The following ERBB4 variants were observed in gnomAD, a reference collection of about 807,000 sequenced individuals.
The protein encoded by ERBB4 is receptor tyrosine-protein kinase erbB-4.
A neutral mutation model predicts 158.0 loss-of-function variants in ERBB4; 42 were observed. The ratio of observed to expected loss-of-function variants is 0.27; its 90% CI spans 0.21 to 0.34. The LOEUF (loss-of-function observed/expected upper bound fraction) is 0.34. ERBB4 is among the 10% of genes least tolerant of loss of function. ERBB4 has a pLI of 1.00. For missense variants in ERBB4, 1,333 were observed against 1,624.1 expected (o/e 0.82, Z 3.08); for synonymous variants, 583 against 558.7 (o/e 1.04, Z -0.61).
chr2:211,632,945 T>C (rs1047293485), intron 16 of ERBB4, among the ~76,000 whole-genome samples: 6 of 152,076 alleles, frequency 3.9e-5, no homozygotes, highest in Non-Finnish European at 8.8e-5. Flanking sequence ...AAAAATCATA[T>C]ATAAGTGTTT....
chr2:212,125,347 C>T (rs139200749), intron 1 of ERBB4, among the ~76,000 whole-genome samples: 13 of 152,270 alleles, frequency 8.5e-5, no homozygotes, highest in Admixed American at 3.3e-4. Flanking sequence ...ATCAGCTGTT[C>T]CAGCTGAGTA....
intron 12 of ERBB4, among the ~76,000 whole-genome samples, chr2:211,686,239 T>G (rs2072558592): frequency 6.6e-6 from 1 of 152,174 alleles, no homozygotes; most frequent in South Asian, 2.1e-4. Flanking sequence ...AGCTGTAGGA[T>G]TTTTGTAGAT....
intron 15 of ERBB4, among the ~76,000 whole-genome samples, chr2:211,658,374 T>C (rs1011656432): frequency 6.7e-6 from 1 of 149,502 alleles, no homozygotes; most frequent in Admixed American, 6.6e-5. Context: ...AGGCCTTAAG[T>C]TTAAATAAAA....
At chr2:212,383,901 G>A (rs2090590709) in intron 1 of ERBB4, among the ~76,000 whole-genome samples, 1 of 151,630 alleles carries the variant, frequency 6.6e-6, no homozygotes, top group African/African-American at 2.4e-5. Context: ...CATTTCCAAT[G>A]TCCTACAGAA....
chr2:212,153,768 T>C (rs749970708), intron 1 of ERBB4, among the ~76,000 whole-genome samples: 2 of 152,176 alleles, frequency 1.3e-5, no homozygotes, highest in African/African-American at 2.4e-5. Context: ...TTTGTGGCAC[T>C]TTCTAGTTCC....
chr2:211,977,196 T>C (rs143399061), intron 2 of ERBB4, among the ~76,000 whole-genome samples: 1 of 152,094 alleles, frequency 6.6e-6, no homozygotes, highest in African/African-American at 2.4e-5. Context: ...TTTTCTGAGG[T>C]GGATAGAGAA....
At chr2:211,933,680 C>T (rs988995022) in intron 3 of ERBB4, among the ~76,000 whole-genome samples, 3 of 151,932 alleles carry the variant, frequency 2.0e-5, no homozygotes, top group Non-Finnish European at 2.9e-5. Context: ...AAAAAGGACT[C>T]GACTAACAGT....
chr2:212,527,048 T>C (rs937094812), intron 1 of ERBB4, among the ~76,000 whole-genome samples: 2 of 152,050 alleles, frequency 1.3e-5, no homozygotes, highest in African/African-American at 2.4e-5. Context: ...TCCAGTAAGC[T>C]ATATTTCAAG....
chr2:212,537,100 A>G (rs1262474277), intron 1 of ERBB4, among the ~76,000 whole-genome samples: 1 of 151,512 alleles, frequency 6.6e-6, no homozygotes, highest in East Asian at 1.9e-4. Context: ...GAAAGACTCG[A>G]TAATTGTAAC....
At chr2:211,613,568 G>A (rs750024825) in intron 19 of ERBB4, among the ~76,000 whole-genome samples, 13 of 151,852 alleles carry the variant, frequency 8.6e-5, no homozygotes, top group Admixed American at 2.6e-4. Flanking sequence ...AATTCTATAC[G>A]AAAAAAATCT....
At chr2:212,256,005 T>TTA (rs1410586853) in intron 1 of ERBB4, among the ~76,000 whole-genome samples, 18 of 129,290 alleles carry the variant, frequency 1.4e-4, no homozygotes, top group East Asian at 6.0e-4. Context: ...TTATTTATTT[T>TTA]TTTTTTACAA....
intron 1 of ERBB4, among the ~76,000 whole-genome samples, chr2:212,336,636 T>C (rs2106308872): frequency 6.6e-6 from 1 of 152,230 alleles, no homozygotes; most frequent in South Asian, 2.1e-4. Context: ...CACACTGCAC[T>C]GAACTCCCTG....
At chr2:212,267,607 T>TC (rs59050518) in intron 1 of ERBB4, among the ~76,000 whole-genome samples, 26 of 142,900 alleles carry the variant, frequency 1.8e-4, no homozygotes, top group Admixed American at 4.8e-4. Context: ...CTTTTTTTTT[T>TC]TTTTATTATA....
At chr2:212,268,988 T>C (rs1294561949) in intron 1 of ERBB4, among the ~76,000 whole-genome samples, 2 of 151,852 alleles carry the variant, frequency 1.3e-5, no homozygotes, top group Non-Finnish European at 2.9e-5. Flanking sequence ...TTTCACTCTT[T>C]TGCAATAATA....
intron 1 of ERBB4, among the ~76,000 whole-genome samples, chr2:212,336,366 T>A (rs1486897174): frequency 6.6e-6 from 1 of 152,028 alleles, no homozygotes. Context: ...GTCTCCTTGA[T>A]TTTTCTTTAC....
chr2:212,437,409 A>G (rs2092161495), intron 1 of ERBB4, among the ~76,000 whole-genome samples: 1 of 151,688 alleles, frequency 6.6e-6, no homozygotes, highest in South Asian at 2.1e-4. Context: ...AGTTCTAAAG[A>G]GCTGTAATAA....
chr2:211,545,036 G>C (rs1234281961), intron 20 of ERBB4, among the ~76,000 whole-genome samples: 1 of 152,024 alleles, frequency 6.6e-6, no homozygotes, highest in Non-Finnish European at 1.5e-5. Context: ...ACCTTTGGCT[G>C]TACACTCTTG....
At chr2:212,510,189 C>T (rs1319052055) in intron 1 of ERBB4, among the ~76,000 whole-genome samples, 1 of 131,894 alleles carries the variant, frequency 7.6e-6, no homozygotes. Flanking sequence ...AAAACACCTT[C>T]CATCCTAACC....
At chr2:211,586,393 TAG>T in intron 19 of ERBB4, among the ~76,000 whole-genome samples, 1 of 152,036 alleles carries the variant, frequency 6.6e-6, no homozygotes, top group Non-Finnish European at 1.5e-5. Context: ...GCAAAAGAAA[TAG>T]AGTTGTATAA....
Sources: gnomAD v4.1 joint callset for allele counts (sites outside exome capture counted in the v4.1 genomes callset) on GRCh38, gnomAD v4.1.1 for gene constraint, MANE v1.5 for transcripts, NCBI Gene and HGNC (gene_info 2026-07-23, HGNC 2026-07-21) for gene names.